CDCA7L: variants seen among roughly 807,000 people sequenced by gnomAD.
CDCA7L encodes cell division cycle-associated 7-like protein.
CDCA7L carries 44 observed loss-of-function variants against 57.4 expected under a neutral mutation model. That is an observed-to-expected ratio of 0.77 (90% CI 0.60 to 0.98). The LOEUF (loss-of-function observed/expected upper bound fraction) is 0.98. CDCA7L is among the 50% of genes least tolerant of loss of function. CDCA7L has a pLI of 0.00. For synonymous variants in CDCA7L, 236 were observed against 202.8 expected (o/e 1.16, Z -1.39); for missense variants, 644 against 580.6 (o/e 1.11, Z -1.12).
chr7:21,940,708 G>A (rs1786316892), intron 1 of CDCA7L, among the ~76,000 whole-genome samples: 1 of 152,232 alleles, frequency 6.6e-6, no homozygotes, highest in South Asian at 2.1e-4. Flanking sequence ...TGCACAGGTG[G>A]AAGCATGAAT....
chr7:21,902,082 T>A lies in CDCA7L; in HGVS notation c.*240A>T. The A allele has an allele frequency of 3.9e-6, 2 of 512,008 alleles. No homozygotes were observed. The highest frequency in any genetic ancestry group is 3.5e-6 in the Non-Finnish European group (1 of 285,328). 31.7% of individuals were successfully genotyped at this position (512,008 alleles called of 1,614,324 possible). On this transcript the variant is annotated 3_prime_UTR_variant, in exon 10 of 10. Transcript: ENST00000406877. ...TGCTTTTTAATAACTGGCAGATATT[T>A]TTAACAAAGTTCAGCATACAGACAG...
intron 1 of CDCA7L, among the ~76,000 whole-genome samples, chr7:21,923,266 A>G (rs1464017018): frequency 6.6e-6 from 1 of 152,170 alleles, no homozygotes; most frequent in African/African-American, 2.4e-5. Context: ...AGGCAGGAAG[A>G]TCACTTGACC....
chr7:21,933,807 G>GA lies in CDCA7L; in HGVS notation c.24+11973dup, dbSNP rs963340974. ...CCCAGAACTTAAAGTATAAAAAAAA[G>GA]AAAAAAAAAGATTATCAGCCGTTTT... On this transcript the variant is annotated intron_variant, in intron 1 of 9. Coordinates refer to ENST00000406877, the MANE Select transcript of CDCA7L (RefSeq NM_018719.5). Among the ~76,000 whole-genome samples the GA allele has an allele frequency of 7.6e-5, 11 of 145,344 alleles. No individual in the cohort carries two copies. In the East Asian group the frequency reaches 1.4e-3, roughly 19 times the overall value.
rs1404839579 is a variant in CDCA7L, at chr7:21,901,900, C to A, written c.*422G>T. 1 of 204,908 alleles carries A rather than the reference C, an allele frequency of 4.9e-6. No individual in the cohort carries two copies. The highest frequency in any genetic ancestry group is 1.0e-5 in the Non-Finnish European group (1 of 99,670). 12.7% of individuals were successfully genotyped at this position (204,908 alleles called of 1,614,324 possible). On this transcript the variant is annotated 3_prime_UTR_variant, in exon 10 of 10. Coordinates refer to ENST00000406877, the MANE Select transcript of CDCA7L (RefSeq NM_018719.5). Reference sequence around the variant, plus strand: ...GAGCAGGTTAAACGATGTGTGTGGTCTATTAAACTGTGGTCACTCGTGCTA... The same window carrying A: ...GAGCAGGTTAAACGATGTGTGTGGTATATTAAACTGTGGTCACTCGTGCTA...
intron 8 of CDCA7L, among the ~76,000 whole-genome samples, chr7:21,903,579 G>A (rs571963581): frequency 1.2e-3 from 184 of 152,196 alleles, no homozygotes; most frequent in Middle Eastern, 3.4e-3. Context: ...GGTCACACTC[G>A]GGAGCAGGAC....
intron 1 of CDCA7L, among the ~76,000 whole-genome samples, chr7:21,923,332 A>C (rs942277431): frequency 7.9e-5 from 12 of 152,068 alleles, no homozygotes; most frequent in Non-Finnish European, 1.2e-4. Context: ...CTACCAAAAA[A>C]GATACAAAAA....
At chr7:21,911,867 A>G in intron 2 of CDCA7L, 113 bp from the exon 3 acceptor site, 1 of 877,102 alleles carries the variant, frequency 1.1e-6, no homozygotes, top group Non-Finnish European at 1.7e-6. Flanking sequence ...AGATGACGAA[A>G]ATGGATGGAC....
In CDCA7L at chr7:21,908,526, G is replaced by C. The variant is rs1785212862; in HGVS notation, c.304-19C>G. 1.3e-6 allele frequency: 2 copies of C among 1,493,244 alleles called. No homozygotes were observed. The highest frequency in any genetic ancestry group is 1.5e-5 in the South Asian group (1 of 68,698). 92.5% of individuals were successfully genotyped at this position (1,493,244 alleles called of 1,614,324 possible). A position where few individuals can be genotyped will look rare whatever the true frequency, so the allele number is the denominator to read the frequency against. ...CCACGACCTAATAAAATAAGAGCAA[G>C]AAAAAGCACAAAGACACTGTTACAG... On this transcript the variant is annotated intron_variant, in intron 3 of 9. Coordinates refer to ENST00000406877, the MANE Select transcript of CDCA7L (RefSeq NM_018719.5).
intron 1 of CDCA7L, among the ~76,000 whole-genome samples, chr7:21,931,237 A>G (rs979310722): frequency 6.6e-6 from 1 of 152,216 alleles, no homozygotes; most frequent in East Asian, 1.9e-4. Flanking sequence ...AAACTATTCC[A>G]AACAACAGAA....
chr7:21,903,055 G>A lies in CDCA7L; in HGVS notation c.1257C>T (p.Asp419=), dbSNP rs138261840. Residue 419 remains aspartate, a synonymous_variant, in exon 9 of 10, where the codon GAC becomes GAT. Coordinates refer to ENST00000406877, the MANE Select transcript of CDCA7L (RefSeq NM_018719.5). ...TGAGGATTCCTGTGGCACAGCGGCC[G>A]TCACGCTTCCGACAGTAGCTGCAAT... ...ICNCSYCRKR[D]GRCATGILIH... is the part of the protein sequence containing the mutation. 6.6e-4 allele frequency: 1,070 copies of A among 1,614,000 alleles called. 5 individuals are homozygous for A. The African/African-American group carries it at 0.013, about 19-fold the overall frequency.
chr7:21,939,087 A>G (rs1786263764), intron 1 of CDCA7L, among the ~76,000 whole-genome samples: 1 of 152,220 alleles, frequency 6.6e-6, no homozygotes, highest in African/African-American at 2.4e-5. Flanking sequence ...AAGTGAAATG[A>G]GCCAGTGACA....
intron 4 of CDCA7L, among the ~76,000 whole-genome samples, chr7:21,907,127 C>G (rs1042182861): frequency 1.3e-5 from 2 of 151,990 alleles, no homozygotes; most frequent in African/African-American, 4.8e-5. Context: ...TGAAGATATT[C>G]CTACGTGAAC....
chr7:21,931,519 A>T (rs773990672), intron 1 of CDCA7L, among the ~76,000 whole-genome samples: 14 of 152,240 alleles, frequency 9.2e-5, no homozygotes, highest in Non-Finnish European at 1.8e-4. Flanking sequence ...AGAACCAATG[A>T]CAAAAACCAC....
intron 1 of CDCA7L, among the ~76,000 whole-genome samples, chr7:21,944,197 G>A (rs1786431697): frequency 6.6e-6 from 1 of 151,656 alleles, no homozygotes; most frequent in Admixed American, 6.6e-5. Context: ...CCAGCACTTT[G>A]GGAGGCCGAG....
Position 21,916,878 on chromosome 7 carries a change from G to C in CDCA7L, c.41C>G (p.Ala14Gly). Residue 14 changes from alanine to glycine, a missense_variant, in exon 2 of 10, where the codon GCT (alanine) becomes GGT (glycine). Ala to Gly is a moderately conservative substitution (Grantham distance 60). Transcript: ENST00000406877. ...ATCACTGGGGGCGTTAAAGATGTCA[G>C]CCACTTCTTTAGGGATCTGTTTTGG... ...ATRYQIPKEV[A>G]DIFNAPSDDE... The C allele has an allele frequency of 6.2e-7, 1 of 1,614,064 alleles. No individual in the cohort carries two copies. The highest frequency in any genetic ancestry group is 8.5e-7 in the Non-Finnish European group (1 of 1,179,968).
intron 8 of CDCA7L, among the ~76,000 whole-genome samples, chr7:21,903,513 GTTTGT>G (rs1785015928): frequency 6.6e-6 from 1 of 152,102 alleles, no homozygotes; most frequent in Non-Finnish European, 1.5e-5. Context: ...CTGAGCAGCA[GTTTGT>G]TTGTCTGTCA....
chr7:21,908,535 C>A, intron 3 of CDCA7L, 28 bp from the exon 4 acceptor site: 5 of 1,494,872 alleles, frequency 3.3e-6, no homozygotes, highest in Non-Finnish European at 4.4e-6. Flanking sequence ...AGAAAAAGCA[C>A]AAAGACACTG....
At chr7:21,933,376 G>A (rs12055908) in intron 1 of CDCA7L, among the ~76,000 whole-genome samples, 30,766 of 152,084 alleles carry the variant, frequency 0.2, 3,946 homozygotes, top group East Asian at 0.54. Context: ...CACTGTTCAC[G>A]ATAGCAAAGA....
At chr7:21,939,651 C>A (rs948436674) in intron 1 of CDCA7L, among the ~76,000 whole-genome samples, 1 of 152,182 alleles carries the variant, frequency 6.6e-6, no homozygotes, top group Admixed American at 6.5e-5. Flanking sequence ...TGTTTTCCAA[C>A]AAGGTGCAAC....
Sources: allele counts gnomAD v4.1 joint callset (sites outside exome capture counted in the v4.1 genomes callset), GRCh38; gene constraint gnomAD v4.1.1; transcripts MANE v1.5; gene names NCBI Gene and HGNC (gene_info 2026-07-23, HGNC 2026-07-21).